Variants in EXTL3 observed in about 807,000 individuals in gnomAD.
The protein encoded by EXTL3 is exostosin like glycosyltransferase 3.
Under a neutral mutation model 69.3 loss-of-function variants are expected in EXTL3, and 27 were observed. The observed-to-expected ratio is 0.39, with a 90% CI of 0.29 to 0.54. The LOEUF is 0.54. EXTL3 is among the 20% of genes least tolerant of loss of function. The pLI is 0.69. For synonymous variants in EXTL3, 511 were observed against 499.4 expected, an observed-to-expected ratio of 1.02 and a Z score of -0.31; for missense variants, 1,003 against 1,231.8, an observed-to-expected ratio of 0.81 and a Z score of 2.78.
At chr8:28,699,789 G>A (rs1800747358), upstream of EXTL3, 1 of 152,318 alleles carries the variant, frequency 6.6e-6, no homozygotes, top group Admixed American at 6.5e-5. Context: ...TTATAGGTAT[G>A]AGTCACGGCG....
chr8:28,717,362 A>G lies in EXTL3; in HGVS notation c.1303A>G (p.Thr435Ala). 1 of 1,613,906 alleles carries G rather than the reference A, an allele frequency of 6.2e-7. No homozygotes were observed. The highest frequency in any genetic ancestry group is 1.1e-5 in the South Asian group (1 of 91,062). Residue 435 changes from threonine to alanine, a missense_variant, in exon 3 of 7, where the codon ACC (threonine) becomes GCC (alanine). Transcript: ENST00000220562. The surrounding 1 kb of genome is among the most constrained non-coding windows in gnomAD (Gnocchi z 8.3). ...GCTCTCCACCTTCGCCCTCATCATT[A>G]CCCCCGGGGACCCTCGCTTGGTTAT... ...LKLSTFALII[T>A]PGDPRLVISS...
intron 1 of EXTL3, among the ~76,000 whole-genome samples, chr8:28,708,856 C>T (rs1800974868): frequency 2.0e-5 from 3 of 152,280 alleles, no homozygotes; most frequent in Admixed American, 2.0e-4. Flanking sequence ...GCCATAGGCA[C>T]AGTGGCAAAC....
At chr8:28,638,349 T>C (rs781321876) in intron 1 of EXTL3, among the ~76,000 whole-genome samples, 20 of 152,244 alleles carry the variant, frequency 1.3e-4, no homozygotes, top group Non-Finnish European at 2.8e-4. Context: ...ACGAACCCTA[T>C]GACAAAGGAA....
At chr8:28,732,123 G>A (rs148844925) in intron 4 of EXTL3, among the ~76,000 whole-genome samples, 122 of 152,172 alleles carry the variant, frequency 8.0e-4, no homozygotes, top group African/African-American at 2.4e-3. Context: ...ACCTGCACCC[G>A]GCCTTCAACT....
At chr8:28,653,794 A>G (rs1806963798) in intron 1 of EXTL3, among the ~76,000 whole-genome samples, 1 of 152,164 alleles carries the variant, frequency 6.6e-6, no homozygotes, top group Non-Finnish European at 1.5e-5. Flanking sequence ...GTAGCTTTGT[A>G]ATACGTTTTG....
intron 6 of EXTL3, among the ~76,000 whole-genome samples, chr8:28,749,623 TTTCATTCATTCATTCATTCA>T (rs139624117): frequency 1.4e-4 from 21 of 150,616 alleles, no homozygotes; most frequent in Middle Eastern, 3.4e-3. Flanking sequence ...CCTCTGAGGA[TTTCATTCATTCATTCATTCA>T]TTCATTCATT....
At chr8:28,633,717 TCACGCCCTTTTGTTTA>T (rs908293150) in intron 1 of EXTL3, among the ~76,000 whole-genome samples, 1 of 152,204 alleles carries the variant, frequency 6.6e-6, no homozygotes, top group Non-Finnish European at 1.5e-5. Context: ...TGGAACACAT[TCACGCCCTTTTGTTTA>T]CATGCTGTCT....
At chr8:28,709,365 G>C (rs1253240026) in intron 1 of EXTL3, among the ~76,000 whole-genome samples, 2 of 152,120 alleles carry the variant, frequency 1.3e-5, no homozygotes, top group Non-Finnish European at 2.9e-5. Context: ...AGAGGCCGTT[G>C]AAGGTTTCAT....
At chr8:28,742,623 T>A (rs1801803618) in intron 5 of EXTL3, 1 of 243,948 alleles carries the variant, frequency 4.1e-6, no homozygotes, top group Admixed American at 5.2e-5. Context: ...TGGCGAGTAC[T>A]GACCAGACTC....
chr8:28,667,261 A>G (rs966905748), intron 1 of EXTL3, among the ~76,000 whole-genome samples: 3 of 152,222 alleles, frequency 2.0e-5, no homozygotes, highest in Non-Finnish European at 4.4e-5. Context: ...TGCAGGGGCC[A>G]GTGGATGGAA....
intron 1 of EXTL3, among the ~76,000 whole-genome samples, chr8:28,708,809 A>T (rs114905081): frequency 0.012 from 1,892 of 152,292 alleles, 42 homozygotes; most frequent in African/African-American, 0.042. Context: ...TAAATGAAAA[A>T]GAGAAAATAG....
At chr8:28,666,054 T>G (rs1036939780) in intron 1 of EXTL3, among the ~76,000 whole-genome samples, 3 of 152,232 alleles carry the variant, frequency 2.0e-5, no homozygotes, top group Non-Finnish European at 4.4e-5. Flanking sequence ...TAATGCTTTC[T>G]GCCCTCCAGG....
At chr8:28,729,079 T>TGAGATCAG (rs1351889147) in intron 3 of EXTL3, among the ~76,000 whole-genome samples, 1 of 151,778 alleles carries the variant, frequency 6.6e-6, no homozygotes, top group African/African-American at 2.4e-5. Context: ...GCAGATGCCA[T>TGAGATCAG]GAGATCAGGA....
Position 28,643,426 on chromosome 8 carries a change from C to CTTTTTTTTT in EXTL3, c.-53+20622_-53+20623insTTTTTTTTT, listed in dbSNP as rs138680672. On this transcript the variant is annotated intron_variant, in intron 1 of 6. Coordinates refer to the EXTL3 transcript ENST00000523149. ...CTGCTTTCTTTTTTTTTCTTTTTTT[C>CTTTTTTTTT]TTTTTTGAGACAGAGTCTCGCTCTT... 5.2e-4 allele frequency among the ~76,000 whole-genome samples: 75 copies of CTTTTTTTTT among 144,034 alleles called. 1 individual carries two copies. Among genetic ancestry groups the CTTTTTTTTT allele is most frequent in the African/African-American group, 7.6e-4 (29 of 38,162 alleles). 94.5% of individuals were successfully genotyped at this position (144,034 alleles called of 152,430 possible).
chr8:28,714,010 G>A (rs769744902), intron 2 of EXTL3, among the ~76,000 whole-genome samples: 56 of 150,212 alleles, frequency 3.7e-4, no homozygotes, highest in Non-Finnish European at 6.4e-4. Flanking sequence ...GGGTTCAGGC[G>A]ATTCTCCTGC....
Position 28,717,496 on chromosome 8 carries a change from C to A in EXTL3, c.1437C>A (p.Asn479Lys). Residue 479 changes from asparagine to lysine, a missense_variant, in exon 3 of 7, where the codon AAC becomes AAA. This residue lies in a region of EXTL3 where 742 missense variants were observed against 815.4 expected (regional missense o/e 0.91). Transcript: ENST00000220562. This position sits in a 1 kb window ranked among gnomAD's most constrained non-coding sequence, Gnocchi z 8.3. ...QLPYQDMLQWNEAALVVPKPR... is the reference protein window; with the variant it reads ...QLPYQDMLQWKEAALVVPKPR... ...CCTACCAGGACATGCTGCAGTGGAA[C>A]GAGGCGGCCCTGGTGGTGCCAAAGC... 1 of 1,614,232 alleles carries A rather than the reference C, an allele frequency of 6.2e-7. No homozygotes were observed. Among genetic ancestry groups the A allele is most frequent in the Non-Finnish European group, 8.5e-7 (1 of 1,180,042 alleles).
At chr8:28,730,275 G>T (rs78033444) in intron 3 of EXTL3, 5 of 152,060 alleles carry the variant, frequency 3.3e-5, no homozygotes, top group African/African-American at 1.2e-4. Flanking sequence ...GTGATTTTTC[G>T]TGGCATTCTA....
chr8:28,711,403 A>G (rs911324766), intron 1 of EXTL3, among the ~76,000 whole-genome samples: 3 of 152,078 alleles, frequency 2.0e-5, no homozygotes, highest in East Asian at 3.8e-4. Context: ...CTTTTCTTCA[A>G]TGCAAGAATT....
At chr8:28,619,126 C>T (rs1449363806), upstream of EXTL3, among the ~76,000 whole-genome samples, 1 of 147,934 alleles carries the variant, frequency 6.8e-6, no homozygotes, top group Non-Finnish European at 1.5e-5. Context: ...ACAGCAGACC[C>T]ACCTGTGTCT....
Sources: gnomAD v4.1 joint callset for allele counts (sites outside exome capture counted in the v4.1 genomes callset) on GRCh38, gnomAD v4.1.1 for gene constraint, gnomAD v4.1.1 regional missense constraint, Gnocchi (gnomAD v3.1) non-coding constraint, MANE v1.5 for transcripts, NCBI Gene and HGNC (gene_info 2026-07-23, HGNC 2026-07-21) for gene names.